Variants in PTPRT observed in about 807,000 individuals in gnomAD.
PTPRT encodes receptor-type tyrosine-protein phosphatase T.
PTPRT carries 56 observed loss-of-function variants against 176.8 expected under a neutral mutation model. The observed-to-expected ratio is 0.32, with a 90% CI of 0.26 to 0.40. The LOEUF (loss-of-function observed/expected upper bound fraction) is 0.40. Ranked by LOEUF, PTPRT falls within the 10% of genes least tolerant of loss-of-function variation. PTPRT has a pLI of 1.00. For missense variants in PTPRT, 1,540 were observed against 1,908.2 expected, an observed-to-expected ratio of 0.81 and a Z score of 3.60; for synonymous variants, 783 against 739.0, an observed-to-expected ratio of 1.06 and a Z score of -0.96.
chr20:43,151,766 G>C (rs937374562), intron 1 of PTPRT, among the ~76,000 whole-genome samples: 1 of 152,078 alleles, frequency 6.6e-6, no homozygotes, highest in African/African-American at 2.4e-5. Context: ...AGGAGGCTGA[G>C]GTAGGAGTAT....
chr20:42,873,002 A>G (rs2078870990), intron 2 of PTPRT, among the ~76,000 whole-genome samples: 1 of 152,202 alleles, frequency 6.6e-6, no homozygotes. Flanking sequence ...ACAGAACCAC[A>G]ATAATAACCA....
chr20:42,455,719 A>C (rs2070910777), intron 8 of PTPRT, among the ~76,000 whole-genome samples: 1 of 152,108 alleles, frequency 6.6e-6, no homozygotes, highest in Non-Finnish European at 1.5e-5. Context: ...TTGCCTGATA[A>C]TTTTAACTTC....
chr20:43,097,397 C>T (rs377247804), intron 1 of PTPRT, among the ~76,000 whole-genome samples: 2 of 152,168 alleles, frequency 1.3e-5, no homozygotes, highest in East Asian at 3.8e-4. Context: ...TGGTGGCCAT[C>T]ACAACAAAGT....
At chr20:42,275,665 A>G (rs1389765633) in intron 13 of PTPRT, among the ~76,000 whole-genome samples, 2 of 152,106 alleles carry the variant, frequency 1.3e-5, no homozygotes, top group East Asian at 3.9e-4. Context: ...ATATTAAAGA[A>G]AGAGTTGGGA....
chr20:42,973,690 A>C (rs1168973091), intron 1 of PTPRT, among the ~76,000 whole-genome samples: 1 of 152,230 alleles, frequency 6.6e-6, no homozygotes, highest in African/African-American at 2.4e-5. Flanking sequence ...TTGCCAAACA[A>C]AACACGGCTA....
chr20:43,021,643 C>A (rs1985685907), intron 1 of PTPRT, among the ~76,000 whole-genome samples: 1 of 152,124 alleles, frequency 6.6e-6, no homozygotes, highest in Non-Finnish European at 1.5e-5. Context: ...CCTTTCCAAC[C>A]TAGCCCTAAC....
At chr20:42,724,134 G>A (rs1266124113) in intron 6 of PTPRT, among the ~76,000 whole-genome samples, 1 of 152,162 alleles carries the variant, frequency 6.6e-6, no homozygotes, top group East Asian at 1.9e-4. Context: ...AGAGACAATG[G>A]TAGGCAAAGC....
At chr20:42,788,778 G>T (rs532369059) in intron 3 of PTPRT, among the ~76,000 whole-genome samples, 1 of 152,192 alleles carries the variant, frequency 6.6e-6, no homozygotes, top group Non-Finnish European at 1.5e-5. Flanking sequence ...ACCTCATAAA[G>T]GCCAGGTCCC....
chr20:42,402,807 T>TG (rs1218245335), intron 9 of PTPRT, among the ~76,000 whole-genome samples: 2 of 149,374 alleles, frequency 1.3e-5, no homozygotes, highest in African/African-American at 2.4e-5. Context: ...GACTGTGGTT[T>TG]GGGGGTGTGT....
intron 1 of PTPRT, among the ~76,000 whole-genome samples, chr20:42,993,698 T>C (rs182449004): frequency 0.011 from 1,715 of 151,816 alleles, 44 homozygotes; most frequent in African/African-American, 0.039. Context: ...CACACACTCC[T>C]TGGACCAGCA....
At chr20:42,189,740 C>T (rs905840287) in intron 16 of PTPRT, among the ~76,000 whole-genome samples, 2 of 152,200 alleles carry the variant, frequency 1.3e-5, no homozygotes, top group African/African-American at 4.8e-5. Context: ...GCTGGTTCTA[C>T]TTGTGACTCA....
At chr20:43,042,443 A>T (rs1477188713) in intron 1 of PTPRT, among the ~76,000 whole-genome samples, 1 of 152,074 alleles carries the variant, frequency 6.6e-6, no homozygotes, top group Non-Finnish European at 1.5e-5. Flanking sequence ...GAAAATGAAA[A>T]ATGGGCTCCT....
intron 7 of PTPRT, among the ~76,000 whole-genome samples, chr20:42,605,660 A>G (rs181857702): frequency 9.8e-5 from 15 of 152,294 alleles, no homozygotes; most frequent in Admixed American, 2.0e-4. Context: ...AGAAACTGGC[A>G]TAAAAAAGAA....
intron 2 of PTPRT, among the ~76,000 whole-genome samples, chr20:42,879,599 C>T (rs2078983753): frequency 6.6e-6 from 1 of 152,110 alleles, no homozygotes; most frequent in Non-Finnish European, 1.5e-5. Context: ...CCAAACAGAC[C>T]TCAACCCTCC....
chr20:42,749,273 T>C (rs2076735954), intron 6 of PTPRT, among the ~76,000 whole-genome samples: 1 of 152,100 alleles, frequency 6.6e-6, no homozygotes, highest in Non-Finnish European at 1.5e-5. Flanking sequence ...TGCCTACTTA[T>C]CCAGCCCCAA....
At chr20:42,632,092 C>A (rs2074419176) in intron 7 of PTPRT, among the ~76,000 whole-genome samples, 1 of 152,082 alleles carries the variant, frequency 6.6e-6, no homozygotes, top group Non-Finnish European at 1.5e-5. Context: ...CCAGTAGAAA[C>A]CCTAGAGACC....
intron 8 of PTPRT, among the ~76,000 whole-genome samples, chr20:42,457,361 A>G (rs1601061207): frequency 6.6e-6 from 1 of 152,148 alleles, no homozygotes; most frequent in Admixed American, 6.5e-5. Flanking sequence ...ATTTATTTAG[A>G]TATTCTTACT....
At chr20:43,090,837 A>T (rs1212561223) in intron 1 of PTPRT, among the ~76,000 whole-genome samples, 1 of 152,192 alleles carries the variant, frequency 6.6e-6, no homozygotes, top group Non-Finnish European at 1.5e-5. Context: ...AACAGGAGGA[A>T]ATAATTACCA....
At chr20:42,158,278 G>T (rs1366135167) in intron 17 of PTPRT, among the ~76,000 whole-genome samples, 4 of 152,168 alleles carry the variant, frequency 2.6e-5, no homozygotes, top group African/African-American at 9.7e-5. Flanking sequence ...AGAAGGGCAA[G>T]AATCTTTGTT....
Sources: allele counts gnomAD v4.1 joint callset (sites outside exome capture counted in the v4.1 genomes callset), GRCh38; gene constraint gnomAD v4.1.1; transcripts MANE v1.5; gene names NCBI Gene and HGNC (gene_info 2026-07-23, HGNC 2026-07-21).